ADAM22: variants seen among roughly 807,000 people sequenced by gnomAD.
ADAM22 encodes the protein disintegrin and metalloproteinase domain-containing protein 22.
A neutral mutation model predicts 144.6 loss-of-function variants in ADAM22; 65 were observed. The ratio of observed to expected loss-of-function variants is 0.45; its 90% CI spans 0.37 to 0.55. The LOEUF (loss-of-function observed/expected upper bound fraction) is 0.55, where lower values mean the gene tolerates loss of function less well. Ranked by LOEUF, ADAM22 falls within the 20% of genes least tolerant of loss-of-function variation. ADAM22 has a pLI of 0.00. For missense variants in ADAM22, 974 were observed against 1,184.9 expected (o/e 0.82, Z 2.61); for synonymous variants, 391 against 412.6 (o/e 0.95, Z 0.63).
intron 25 of ADAM22, 71 bp from the exon 26 acceptor site, chr7:88,171,473 C>T (rs1459110537): frequency 2.2e-6 from 3 of 1,347,754 alleles, no homozygotes; most frequent in African/African-American, 1.5e-5. Context: ...GTTTAGAGCT[C>T]CCTCTTGATG....
At chr7:88,056,167 G>T (rs1291783707) in intron 3 of ADAM22, among the ~76,000 whole-genome samples, 1 of 152,162 alleles carries the variant, frequency 6.6e-6, no homozygotes, top group African/African-American at 2.4e-5. Flanking sequence ...ACTCTGCATA[G>T]AATATTTATA....
intron 2 of ADAM22, among the ~76,000 whole-genome samples, chr7:87,974,057 T>A (rs1851245661): frequency 6.6e-6 from 1 of 151,218 alleles, no homozygotes; most frequent in African/African-American, 2.4e-5. Context: ...CTGCACGTTG[T>A]GCACATGTAC....
At chr7:88,112,446 G>A (rs1188318522) in intron 5 of ADAM22, among the ~76,000 whole-genome samples, 1 of 152,142 alleles carries the variant, frequency 6.6e-6, no homozygotes, top group Non-Finnish European at 1.5e-5. Context: ...TAGGAGCTTG[G>A]CTGTCACATA....
At chr7:88,025,827 T>G (rs1798904029) in intron 3 of ADAM22, among the ~76,000 whole-genome samples, 1 of 152,222 alleles carries the variant, frequency 6.6e-6, no homozygotes, top group Non-Finnish European at 1.5e-5. Flanking sequence ...TTCTTTTTAC[T>G]CAACATAATT....
chr7:88,046,455 T>A (rs1421957909), intron 3 of ADAM22, among the ~76,000 whole-genome samples: 1 of 152,234 alleles, frequency 6.6e-6, no homozygotes, highest in Non-Finnish European at 1.5e-5. Context: ...GAGTTCCTCA[T>A]ATATTTTGGA....
At chr7:88,187,181 G>C (rs958998885) in intron 30 of ADAM22, among the ~76,000 whole-genome samples, 4 of 152,182 alleles carry the variant, frequency 2.6e-5, no homozygotes, top group Admixed American at 2.6e-4. Context: ...ACTTGGAGTA[G>C]AAACAATGAT....
At chr7:87,966,727 T>TTTG (rs1849159385) in intron 2 of ADAM22, among the ~76,000 whole-genome samples, 1 of 125,818 alleles carries the variant, frequency 7.9e-6, no homozygotes, top group African/African-American at 3.1e-5. Flanking sequence ...AGCCGTTTTT[T>TTTG]TTTTTTTTTT....
At chr7:88,195,665 G>T (rs954163747) in intron 31 of ADAM22, among the ~76,000 whole-genome samples, 9 of 151,894 alleles carry the variant, frequency 5.9e-5, no homozygotes, top group Non-Finnish European at 1.2e-4. Flanking sequence ...ACAGGTGCCC[G>T]CCACCACGCC....
intron 2 of ADAM22, among the ~76,000 whole-genome samples, chr7:87,951,398 T>G (rs1845117243): frequency 9.1e-6 from 1 of 110,160 alleles, no homozygotes; most frequent in South Asian, 2.5e-4. Flanking sequence ...AAATAGGGAA[T>G]CCTTTTCCCC....
At chr7:87,997,490 C>T (rs535577669) in intron 3 of ADAM22, among the ~76,000 whole-genome samples, 32 of 152,374 alleles carry the variant, frequency 2.1e-4, no homozygotes, top group African/African-American at 6.0e-4. Flanking sequence ...ATCTGGTCTA[C>T]GCTTCTTTGT....
intron 3 of ADAM22, among the ~76,000 whole-genome samples, chr7:88,026,244 C>G (rs1215382256): frequency 6.6e-6 from 1 of 152,180 alleles, no homozygotes; most frequent in Admixed American, 6.5e-5. Flanking sequence ...TCATCTGCTT[C>G]TGGGGAGACC....
chr7:88,126,187 C>T (rs752389385), intron 8 of ADAM22, among the ~76,000 whole-genome samples: 12 of 151,976 alleles, frequency 7.9e-5, no homozygotes, highest in Non-Finnish European at 1.2e-4. Flanking sequence ...CGCTTTAAAC[C>T]AAATGAAGTC....
rs187746437 is a variant in ADAM22 at position 87,955,976 on chromosome 7, C to T, written c.246+20790C>T. Among the ~76,000 whole-genome samples, 11 of 152,314 alleles carry T rather than the reference C, an allele frequency of 7.2e-5. No homozygotes were observed. In the East Asian group the frequency reaches 1.4e-3, roughly 19 times the overall value. On this transcript the variant is annotated intron_variant, in intron 2 of 31. Coordinates refer to ENST00000413139, the MANE Select transcript of ADAM22 (RefSeq NM_001324418.2). ...CTGGTGCGCCGTTTCCTAAGCCCAT[C>T]GGAAAAGCGCAGTATTCGGGTGGGA...
At chr7:88,157,843 A>G (rs1421542460) in intron 22 of ADAM22, among the ~76,000 whole-genome samples, 3 of 152,160 alleles carry the variant, frequency 2.0e-5, no homozygotes, top group African/African-American at 7.2e-5. Flanking sequence ...TTTAAAAACA[A>G]TTTATCTGTT....
chr7:88,006,254 A>G (rs940164331), intron 3 of ADAM22, among the ~76,000 whole-genome samples: 102 of 152,322 alleles, frequency 6.7e-4, no homozygotes, highest in African/African-American at 2.2e-3. Context: ...TTGTGGCAAT[A>G]ATCAATAGCT....
intron 2 of ADAM22, among the ~76,000 whole-genome samples, chr7:87,946,357 G>C (rs1391530011): frequency 6.6e-6 from 1 of 152,142 alleles, no homozygotes; most frequent in Admixed American, 6.5e-5. Flanking sequence ...TTCTTTTGCT[G>C]TGCAGAAGCT....
intron 3 of ADAM22, among the ~76,000 whole-genome samples, chr7:87,982,381 G>C (rs1853766489): frequency 6.6e-6 from 1 of 151,646 alleles, no homozygotes; most frequent in African/African-American, 2.4e-5. Flanking sequence ...GAAAGTAAGG[G>C]GCCCCCATGC....
chr7:88,105,075 A>G (rs1823994260), intron 4 of ADAM22, among the ~76,000 whole-genome samples: 1 of 151,516 alleles, frequency 6.6e-6, no homozygotes, highest in African/African-American at 2.5e-5. Context: ...ATGATTTAAT[A>G]TAACATGTTT....
intron 26 of ADAM22, among the ~76,000 whole-genome samples, chr7:88,174,674 A>C (rs78150273): frequency 0.037 from 5,554 of 152,158 alleles, 315 homozygotes; most frequent in African/African-American, 0.12. Context: ...ATTTAGCTGA[A>C]ATCTTATTCT....
Sources: gnomAD v4.1 joint callset for allele counts (sites outside exome capture counted in the v4.1 genomes callset) on GRCh38, gnomAD v4.1.1 for gene constraint, MANE v1.5 for transcripts, NCBI Gene and HGNC (gene_info 2026-07-23, HGNC 2026-07-21) for gene names.